The following HNRNPD variants were observed in gnomAD, a reference collection of about 807,000 sequenced individuals.
HNRNPD encodes heterogeneous nuclear ribonucleoprotein D, also known as heterogeneous nuclear ribonucleoprotein D0.
Under a neutral mutation model 47.9 loss-of-function variants are expected in HNRNPD, and 3 were observed. The observed-to-expected ratio is 0.06, with a 90% CI of 0.03 to 0.16. The LOEUF is 0.16. Ranked by LOEUF, HNRNPD falls within the 10% of genes least tolerant of loss-of-function variation. The probability of loss-of-function intolerance (pLI) is 1.00; values close to 1 mark genes in which losing one functional copy is unlikely to be tolerated. For missense variants in HNRNPD, 287 were observed against 454.2 expected (o/e 0.63, Z 3.35); for synonymous variants, 171 against 165.1 (o/e 1.04, Z -0.28).
intron 2 of HNRNPD, among the ~76,000 whole-genome samples, chr4:82,366,275 G>A (rs916606332): frequency 1.3e-5 from 2 of 152,008 alleles, no homozygotes; most frequent in Non-Finnish European, 2.9e-5. Context: ...ACAGAGTCTC[G>A]CTTTGTCGCC....
At position 82,373,765 on chromosome 4, in the gene HNRNPD, C is replaced by A; in HGVS notation, c.-87G>T. The A allele has an allele frequency of 6.5e-7, 1 of 1,527,160 alleles. No individual in the cohort carries two copies. The highest frequency in any genetic ancestry group is 8.7e-7 in the Non-Finnish European group (1 of 1,143,774). 94.6% of individuals were successfully genotyped at this position (1,527,160 alleles called of 1,614,324 possible). ...AGCAGCAAAGTAATCCCCGCCGCTG[C>A]CGCGCGCCCGCTCTACCTCGCGAAG... On this transcript the variant is annotated 5_prime_UTR_variant, in exon 1 of 9. Coordinates refer to ENST00000313899, the MANE Select transcript of HNRNPD (RefSeq NM_031370.3).
intron 2 of HNRNPD, among the ~76,000 whole-genome samples, chr4:82,365,643 T>C (rs1473746797): frequency 6.6e-6 from 1 of 152,132 alleles, no homozygotes; most frequent in Non-Finnish European, 1.5e-5. Context: ...TCTCGCTCTA[T>C]TGCCAGGCTG....
chr4:82,358,897 A>AAT (rs1723843682), intron 3 of HNRNPD, 77 bp from the exon 4 acceptor site: 1 of 1,065,006 alleles, frequency 9.4e-7, no homozygotes, highest in Admixed American at 2.6e-5. Context: ...ACTTAAAAAT[A>AAT]ACTATAAATA....
At position 82,370,395 on chromosome 4, in the gene HNRNPD, T is replaced by C. The variant is rs975119781; in HGVS notation, c.290+1133A>G. The stretch of plus-strand genomic sequence containing the variant: ...ACAATTACATGAGACTCAAAATACA[T>C]AATGGAGTAATGTCAAATAGTTTAT... On this transcript the variant is annotated intron_variant, in intron 2 of 8. Coordinates refer to ENST00000313899, the MANE Select transcript of HNRNPD (RefSeq NM_031370.3). Among the ~76,000 whole-genome samples, 4 of 152,176 alleles carry C rather than the reference T, an allele frequency of 2.6e-5. 1 individual carries two copies. Among genetic ancestry groups the C allele is most frequent in the Admixed American group, 6.5e-5 (1 of 15,280 alleles).
At chr4:82,355,267 T>A (rs910533615) in intron 8 of HNRNPD, 37 bp downstream of exon 8, 4 of 1,138,662 alleles carry the variant, frequency 3.5e-6, no homozygotes. Context: ...AAAACTACTA[T>A]TGTAAATGAC....
Position 82,371,427 on chromosome 4 carries a change from G to C in HNRNPD, c.290+101C>G, listed in dbSNP as rs1245440613. 5.6e-6 allele frequency: 5 copies of C among 896,702 alleles called. No individual in the cohort carries two copies. The African/African-American group carries it at 6.7e-5, about 12-fold the overall frequency. The allele number at this position is 896,702 out of a possible 1,614,324, so 55.5% of individuals were successfully genotyped here. A position where few individuals can be genotyped will look rare whatever the true frequency, so the allele number is the denominator to read the frequency against. Reference sequence around the variant, plus strand: ...AACCTACTGTATGTACTATGGTCTAGAATTTCCTGGGGATCAATGGGCAAC... The same window carrying C: ...AACCTACTGTATGTACTATGGTCTACAATTTCCTGGGGATCAATGGGCAAC... On this transcript the variant is annotated intron_variant, in intron 2 of 8. Transcript: ENST00000313899.
In HNRNPD at chr4:82,373,740, A is replaced by G; in HGVS notation, c.-62T>C. The G allele has an allele frequency of 6.6e-7, 1 of 1,526,168 alleles. No individual in the cohort carries two copies. 94.5% of individuals were successfully genotyped at this position (1,526,168 alleles called of 1,614,324 possible). Reference sequence around the variant, plus strand: ...CCCGCCGCTGCCGCGAACCGAAACTAGCAGCAAAGTAATCCCCGCCGCTGC... The same window carrying G: ...CCCGCCGCTGCCGCGAACCGAAACTGGCAGCAAAGTAATCCCCGCCGCTGC... On this transcript the variant is annotated 5_prime_UTR_variant, in exon 1 of 9. Transcript: ENST00000313899.
chr4:82,361,378 C>G (rs1341777461), intron 2 of HNRNPD, among the ~76,000 whole-genome samples: 1 of 152,180 alleles, frequency 6.6e-6, no homozygotes, highest in Non-Finnish European at 1.5e-5. Flanking sequence ...GCAATGACCT[C>G]TTGCTAAGAT....
In HNRNPD at chr4:82,373,637, C is replaced by CGCT; in HGVS notation, c.39_41dup (p.Ala15dup). The CGCT allele has an allele frequency of 1.3e-6, 2 of 1,526,088 alleles. No homozygotes were observed. Among genetic ancestry groups the CGCT allele is most frequent in the South Asian group, 1.2e-5 (1 of 83,442 alleles). 94.5% of individuals were successfully genotyped at this position (1,526,088 alleles called of 1,614,324 possible). ...CCGAGCCGCCTACCGCCGCCGTTGC[C>CGCT]GCTGCCGCCGCCCCGTCCCCGCCGA... On this transcript the variant is annotated inframe_insertion, in exon 1 of 9. Coordinates refer to ENST00000313899, the MANE Select transcript of HNRNPD (RefSeq NM_031370.3).
At position 82,353,600 on chromosome 4, in the gene HNRNPD, A is replaced by G. The variant is rs1289959430; in HGVS notation, c.*585T>C. Reference sequence around the variant, plus strand: ...TTCATATAAATCTTAATGGCTACATAAGGAAGTATTATTAAAACAACCAAC... The same window carrying G: ...TTCATATAAATCTTAATGGCTACATGAGGAAGTATTATTAAAACAACCAAC... On this transcript the variant is annotated 3_prime_UTR_variant, in exon 9 of 9. Coordinates refer to ENST00000313899, the MANE Select transcript of HNRNPD (RefSeq NM_031370.3). The G allele has an allele frequency of 6.6e-6, 1 of 152,662 alleles. No homozygotes were observed. Among genetic ancestry groups the G allele is most frequent in the Non-Finnish European group, 1.5e-5 (1 of 68,034 alleles). 9.5% of individuals were successfully genotyped at this position (152,662 alleles called of 1,614,324 possible). A position where few individuals can be genotyped will look rare whatever the true frequency, so the allele number is the denominator to read the frequency against.
chr4:82,362,802 G>T (rs770465519), intron 2 of HNRNPD, among the ~76,000 whole-genome samples: 4 of 151,934 alleles, frequency 2.6e-5, no homozygotes, highest in Non-Finnish European at 5.9e-5. Context: ...GTTTCCCCTC[G>T]TTGGCCAGGC....
Position 82,373,807 on chromosome 4 carries a change from GGC to G in HNRNPD, c.-131_-130del, listed in dbSNP as rs1010214613. ...CTCGCGAAGCACACAAGACAGGGAA[GGC>G]GCGCGCGTGGCTGCAAAGGCTCCTG... On this transcript the variant is annotated 5_prime_UTR_variant, in exon 1 of 9. Transcript: ENST00000313899. 1.9e-4 allele frequency: 285 copies of G among 1,499,716 alleles called. 1 individual carries two copies. The highest frequency in any genetic ancestry group is 2.5e-4 in the Non-Finnish European group (277 of 1,127,652). 92.9% of individuals were successfully genotyped at this position (1,499,716 alleles called of 1,614,324 possible).
intron 2 of HNRNPD, among the ~76,000 whole-genome samples, chr4:82,369,028 T>C (rs1445813940): frequency 6.6e-6 from 1 of 152,214 alleles, no homozygotes; most frequent in Non-Finnish European, 1.5e-5. Flanking sequence ...TTTTGCTTCC[T>C]ACCCAATCCA....
rs755758296 is a variant in HNRNPD, at chr4:82,373,533, C to T, written c.146G>A (p.Gly49Asp). 2 of 1,541,368 alleles carry T rather than the reference C, an allele frequency of 1.3e-6. No individual in the cohort carries two copies. The highest frequency in any genetic ancestry group is 2.8e-5 in the African/African-American group (2 of 71,416). The change falls in exon 1 of 9, where the codon GGC (glycine) becomes GAC (aspartate). Residue 49 changes from glycine to aspartate, a missense_variant. Gly to Asp is a moderately conservative substitution (Grantham distance 94, BLOSUM62 -1). Around this residue, in one of 5 missense-constraint regions of HNRNPD, gnomAD observed 161 missense variants for 137.1 expected, o/e 1.17. Coordinates refer to ENST00000313899, the MANE Select transcript of HNRNPD (RefSeq NM_031370.3). ...AAAGSGAGTG[G>D]GTASGGTEGG... ...TTCGGTGCCTCCAGACGCGGTTCCG[C>T]CCCCGGTCCCGGCTCCGCTTCCCGC...
In HNRNPD at chr4:82,356,448, T is replaced by C. The variant is rs76328149; in HGVS notation, c.1000+89A>G. 1,299 of 1,060,552 alleles carry C rather than the reference T, an allele frequency of 1.2e-3. 10 individuals are homozygous for C. In the African/African-American group the frequency reaches 0.019, roughly 15 times the overall value. The allele number at this position is 1,060,552 out of a possible 1,614,324, so 65.7% of individuals were successfully genotyped here. A position where few individuals can be genotyped will look rare whatever the true frequency, so the allele number is the denominator to read the frequency against. On this transcript the variant is annotated intron_variant, in intron 7 of 8. Coordinates refer to ENST00000313899, the MANE Select transcript of HNRNPD (RefSeq NM_031370.3). ...ATTTGAAACCTGAAGACATTTGCAC[T>C]TGGCAAGGCTACACTAACCTTTCTG...
chr4:82,372,041 TC>T (rs1442190597), intron 1 of HNRNPD, among the ~76,000 whole-genome samples: 1 of 152,026 alleles, frequency 6.6e-6, no homozygotes, highest in Non-Finnish European at 1.5e-5. Flanking sequence ...CAACTTTCCC[TC>T]CAAATCCTGG....
intron 8 of HNRNPD, 59 bp downstream of exon 8, chr4:82,355,245 A>G: frequency 2.2e-6 from 2 of 909,622 alleles, no homozygotes; most frequent in Non-Finnish European, 1.8e-6. Context: ...TTTATGAACA[A>G]TATAGATTAT....
chr4:82,370,951 A>G (rs1337412094), intron 2 of HNRNPD, among the ~76,000 whole-genome samples: 1 of 149,042 alleles, frequency 6.7e-6, no homozygotes, highest in Non-Finnish European at 1.5e-5. Flanking sequence ...GTGGAAAGCC[A>G]CATTAGCCCA....
At position 82,353,818 on chromosome 4, in the gene HNRNPD, G is replaced by GA. The variant is rs1387911996; in HGVS notation, c.*366dup. On this transcript the variant is annotated 3_prime_UTR_variant, in exon 9 of 9. Coordinates refer to ENST00000313899, the MANE Select transcript of HNRNPD (RefSeq NM_031370.3). The stretch of plus-strand genomic sequence containing the variant: ...AATTTTTCCTATTCTGATGATAAAA[G>GA]AGCCAATACATTTTTATACAAAAGG... 1.3e-5 allele frequency: 2 copies of GA among 152,532 alleles called. No homozygotes were observed. Among genetic ancestry groups the GA allele is most frequent in the Non-Finnish European group, 2.9e-5 (2 of 68,022 alleles). 9.4% of individuals were successfully genotyped at this position (152,532 alleles called of 1,614,324 possible). A position where few individuals can be genotyped will look rare whatever the true frequency, so the allele number is the denominator to read the frequency against.
Sources: allele counts gnomAD v4.1 joint callset (sites outside exome capture counted in the v4.1 genomes callset), GRCh38; gene constraint gnomAD v4.1.1; regional missense constraint gnomAD v4.1.1; transcripts MANE v1.5; gene names NCBI Gene and HGNC (gene_info 2026-07-23, HGNC 2026-07-21).